Variants in SMG5 observed in about 807,000 individuals in gnomAD.
SMG5 encodes nonsense-mediated mRNA decay factor SMG5.
In SMG5, 53 loss-of-function variants were observed where a neutral mutation model predicts 122.9. That is an observed-to-expected ratio of 0.43 (90% CI 0.35 to 0.54). The LOEUF (loss-of-function observed/expected upper bound fraction) is 0.54. Ranked by LOEUF, SMG5 falls within the 20% of genes least tolerant of loss-of-function variation. SMG5 has a pLI of 0.01. For missense variants in SMG5, 1,153 were observed against 1,285.6 expected (o/e 0.90, Z 1.58); for synonymous variants, 477 against 490.2 (o/e 0.97, Z 0.35).
chr1:156,264,199 T>G (rs1303412566), intron 12 of SMG5, among the ~76,000 whole-genome samples: 1 of 121,680 alleles, frequency 8.2e-6, no homozygotes, highest in Non-Finnish European at 1.6e-5. Context: ...ACCCGGGAGG[T>G]GGAGGTTGCA....
intron 1 of SMG5, among the ~76,000 whole-genome samples, chr1:156,281,705 C>G (rs1662953274): frequency 6.6e-6 from 1 of 152,260 alleles, no homozygotes; most frequent in Admixed American, 6.5e-5. Flanking sequence ...ACCCCAAACT[C>G]TACTCTGTAG....
chr1:156,253,414 A>T (rs748186691), intron 17 of SMG5, 35 bp downstream of exon 17: 4 of 1,609,078 alleles, frequency 2.5e-6, no homozygotes. Flanking sequence ...AGCTCTACCA[A>T]GTGCAGAAGA....
chr1:156,267,781 G>T, intron 9 of SMG5, 103 bp from the exon 10 acceptor site: 1 of 1,053,478 alleles, frequency 9.5e-7, no homozygotes, highest in Non-Finnish European at 1.4e-6. Flanking sequence ...GATGCTGCAG[G>T]GGAGACCTGA....
chr1:156,252,921 G>A lies in SMG5; in HGVS notation c.2660C>T (p.Thr887Ile). 1.2e-6 allele frequency: 2 copies of A among 1,602,886 alleles called. No homozygotes were observed. Among genetic ancestry groups the A allele is most frequent in the Non-Finnish European group, 1.7e-6 (2 of 1,174,324 alleles). ...SGRFIVIIPR[T>I]VIDGLDLLKK... ...CCTTACCTCTCCAATGTACTTACCT[G>A]TCCTTGGGATGATGACAATGAAGCG... Residue 887 changes from threonine to isoleucine, a missense_variant and splice_region_variant, in exon 18 of 22, where the codon ACA becomes ATA. By Grantham distance (89) the Thr-to-Ile change is moderately conservative. This residue lies in a region of SMG5 where 140 missense variants were observed against 227.8 expected (regional missense o/e 0.61). Transcript: ENST00000361813.
chr1:156,288,087 C>T, the SMG5 span, among the ~76,000 whole-genome samples: 19 of 151,620 alleles, frequency 1.3e-4, no homozygotes, highest in Middle Eastern at 3.4e-3. Flanking sequence ...CGGTGGCGAG[C>T]GCCTACAGTC....
chr1:156,285,779 T>G, upstream of SMG5: 1 of 1,613,520 alleles, frequency 6.2e-7, no homozygotes, highest in Admixed American at 1.7e-5. Context: ...GCCTGGCTGT[T>G]CCTGTGGGGG....
intron 17 of SMG5, 87 bp downstream of exon 17, chr1:156,253,362 C>G: frequency 7.3e-7 from 1 of 1,366,820 alleles, no homozygotes; most frequent in Admixed American, 1.7e-5. Flanking sequence ...AGCAGGGGGA[C>G]TACAGCGGAA....
the SMG5 span, among the ~76,000 whole-genome samples, chr1:156,289,813 C>A: frequency 6.6e-6 from 1 of 152,162 alleles, no homozygotes; most frequent in Non-Finnish European, 1.5e-5. Context: ...GTTGCTCTCC[C>A]CTCCCTCCAT....
chr1:156,284,376 G>C (rs1663086172), upstream of SMG5: 1 of 152,292 alleles, frequency 6.6e-6, no homozygotes, highest in African/African-American at 2.4e-5. Flanking sequence ...CGGATGGACA[G>C]ACGCTGGGGA....
intron 9 of SMG5, 143 bp downstream of exon 9, chr1:156,267,972 G>A (rs953372248): frequency 3.4e-6 from 3 of 890,930 alleles, no homozygotes; most frequent in Non-Finnish European, 5.3e-6. Context: ...GAAACAGTGA[G>A]GAATGCCAAG....
chr1:156,267,968 G>C (rs1662231579), intron 9 of SMG5, 147 bp downstream of exon 9: 5 of 873,660 alleles, frequency 5.7e-6, no homozygotes, highest in Non-Finnish European at 9.0e-6. Context: ...GGGAGAAACA[G>C]TGAGGAATGC....
Position 156,267,653 on chromosome 1 carries a change from G to A in SMG5, c.934C>T (p.Leu312Phe), listed in dbSNP as rs1221243362. The A allele has an allele frequency of 3.7e-6, 6 of 1,611,766 alleles. No homozygotes were observed. Among genetic ancestry groups the A allele is most frequent in the Admixed American group, 1.7e-5 (1 of 59,788 alleles). ...AAGTCCTCCAGGACTGACTGGCAAA[G>A]TGAGGTCAGCTCTGAGTCCACGGAG... ...SSSVDSELTS[L>F]CQSVLEDFNL... The change falls in exon 10 of 22, where the codon CTT becomes TTT. Residue 312 changes from leucine to phenylalanine, a missense_variant. Around this residue, in one of 5 missense-constraint regions of SMG5, gnomAD observed 631 missense variants for 650.6 expected, o/e 0.97. Transcript: ENST00000361813.
chr1:156,291,457 A>G, the SMG5 span: 2 of 1,613,646 alleles, frequency 1.2e-6, no homozygotes, highest in Non-Finnish European at 1.7e-6. Context: ...CGTTTCTGCC[A>G]CTGCTGTCGA....
Position 156,274,798 on chromosome 1 carries a change from CA to C in SMG5, c.455-113del, listed in dbSNP as rs1662607341. 3.7e-6 allele frequency: 3 copies of C among 811,626 alleles called. No homozygotes were observed. The East Asian group carries it at 8.7e-5, about 24-fold the overall frequency. The allele number at this position is 811,626 out of a possible 1,614,324, so 50.3% of individuals were successfully genotyped here. A position where few individuals can be genotyped will look rare whatever the true frequency, so the allele number is the denominator to read the frequency against. On this transcript the variant is annotated intron_variant, in intron 4 of 21. Transcript: ENST00000361813. ...TAAGAATCCAGGGCCAGTCTTGGAACATTGTCTTTCAGGGCAGAGACACACT... is the reference window on the plus strand; with the variant it reads ...TAAGAATCCAGGGCCAGTCTTGGAACTTGTCTTTCAGGGCAGAGACACACT...
the SMG5 span, chr1:156,291,055 A>G: frequency 3.5e-6 from 1 of 288,868 alleles, no homozygotes; most frequent in Non-Finnish European, 6.6e-6. Flanking sequence ...TGAGAGAATC[A>G]CTCAAGGCCA....
rs188336074 is a variant in SMG5, at chr1:156,249,732, G to A, written c.*855C>T. 6.4e-6 allele frequency: 3 copies of A among 469,716 alleles called. No individual in the cohort carries two copies. The East Asian group carries it at 2.1e-4, about 33-fold the overall frequency. 29.1% of individuals were successfully genotyped at this position (469,716 alleles called of 1,614,324 possible). On this transcript the variant is annotated 3_prime_UTR_variant, in exon 22 of 22. Coordinates refer to ENST00000361813, the MANE Select transcript of SMG5 (RefSeq NM_015327.3). ...CCTCCCTTAGATAGGAAGGGGGGTG[G>A]TGGCCTCAGACTGCACCCCCTTTCT... is the stretch of plus-strand genomic sequence containing the variant.
the SMG5 span, among the ~76,000 whole-genome samples, chr1:156,289,233 G>A: frequency 6.6e-6 from 1 of 152,188 alleles, no homozygotes; most frequent in African/African-American, 2.4e-5. Flanking sequence ...CCAGCACTTT[G>A]GGAGGCCAAG....
intron 16 of SMG5, among the ~76,000 whole-genome samples, chr1:156,257,933 G>A (rs939039033): frequency 6.6e-6 from 1 of 152,230 alleles, no homozygotes; most frequent in Admixed American, 6.5e-5. Flanking sequence ...GCTCAGGGTG[G>A]TGTGTTGGGA....
upstream of SMG5, chr1:156,286,473 G>A (rs374556620): frequency 1.4e-5 from 22 of 1,614,028 alleles, no homozygotes; most frequent in Admixed American, 1.0e-4. Context: ...GCCGTCTCCC[G>A]GTAAGTTGGG....
Sources: allele counts gnomAD v4.1 joint callset (sites outside exome capture counted in the v4.1 genomes callset), GRCh38; gene constraint gnomAD v4.1.1; regional missense constraint gnomAD v4.1.1; transcripts MANE v1.5; gene names NCBI Gene and HGNC (gene_info 2026-07-23, HGNC 2026-07-21).